DCC: variants seen among roughly 807,000 people sequenced by gnomAD.
DCC encodes the protein DCC netrin 1 receptor.
DCC carries 58 observed loss-of-function variants against 172.5 expected under a neutral mutation model. The ratio of observed to expected loss-of-function variants is 0.34; its 90% CI spans 0.27 to 0.42. DCC has a LOEUF of 0.42. Ranked by LOEUF, DCC falls within the 10% of genes least tolerant of loss-of-function variation. DCC has a pLI of 1.00. For synonymous variants in DCC, 709 were observed against 644.5 expected (o/e 1.10, Z -1.52); for missense variants, 1,740 against 1,791.0 (o/e 0.97, Z 0.51).
intron 1 of DCC, among the ~76,000 whole-genome samples, chr18:52,579,913 G>A (rs2033504218): frequency 6.6e-6 from 1 of 152,182 alleles, no homozygotes; most frequent in South Asian, 2.1e-4. Flanking sequence ...AATTGTACTG[G>A]ATCAAGAAAG....
At chr18:52,770,805 A>C (rs1477426141) in intron 2 of DCC, among the ~76,000 whole-genome samples, 1 of 151,578 alleles carries the variant, frequency 6.6e-6, no homozygotes, top group African/African-American at 2.4e-5. Flanking sequence ...TGGACTTAGA[A>C]AAGATAAAAG....
At chr18:53,161,233 C>G (rs540822166) in intron 8 of DCC, among the ~76,000 whole-genome samples, 2 of 152,198 alleles carry the variant, frequency 1.3e-5, no homozygotes, top group African/African-American at 2.4e-5. Context: ...CTGCTCTTAT[C>G]AAGGTTCACC....
At chr18:53,270,005 G>A (rs891140100) in intron 12 of DCC, among the ~76,000 whole-genome samples, 1 of 152,088 alleles carries the variant, frequency 6.6e-6, no homozygotes, top group African/African-American at 2.4e-5. Context: ...AATGCATGTG[G>A]TGCATTCATG....
chr18:53,317,672 A>G (rs1963460510), intron 13 of DCC, among the ~76,000 whole-genome samples: 1 of 152,140 alleles, frequency 6.6e-6, no homozygotes, highest in African/African-American at 2.4e-5. Flanking sequence ...TGTTCTACTC[A>G]GGGATTCGAC....
chr18:52,435,944 C>A (rs920390672), intron 1 of DCC, among the ~76,000 whole-genome samples: 1 of 152,184 alleles, frequency 6.6e-6, no homozygotes, highest in Non-Finnish European at 1.5e-5. Context: ...GCCTTCTAAA[C>A]GATCAGATGA....
At chr18:53,327,937 T>C (rs1237424326) in intron 14 of DCC, among the ~76,000 whole-genome samples, 2 of 152,212 alleles carry the variant, frequency 1.3e-5, no homozygotes, top group Non-Finnish European at 2.9e-5. Flanking sequence ...GCTTGGGGAA[T>C]TTGATGGACC....
intron 1 of DCC, among the ~76,000 whole-genome samples, chr18:52,552,892 T>C (rs1383331793): frequency 6.6e-6 from 1 of 151,936 alleles, no homozygotes; most frequent in African/African-American, 2.4e-5. Context: ...ACAAGAAAAA[T>C]AGCACATACA....
rs1347846718 is a variant in DCC at position 52,876,408 on chromosome 18, C to T, written c.413-29636C>T. 3.3e-5 allele frequency among the ~76,000 whole-genome samples: 5 copies of T among 152,158 alleles called. No individual in the cohort carries two copies. The East Asian group carries it at 7.7e-4, about 23-fold the overall frequency. On this transcript the variant is annotated intron_variant, in intron 2 of 28. Coordinates refer to ENST00000442544, the MANE Select transcript of DCC (RefSeq NM_005215.4). ...TTTTACCAAATTTGGCCTATAAAGG[C>T]ATACATTCTTCATATGCATAGGCAT...
At chr18:52,816,518 T>C (rs2038299560) in intron 2 of DCC, 1 of 151,026 alleles carries the variant, frequency 6.6e-6, no homozygotes, top group African/African-American at 2.5e-5. Context: ...GGTACTTTTG[T>C]TTTCCTGTTT....
At position 52,340,877 on chromosome 18, in the gene DCC, C is replaced by T; in HGVS notation, c.90C>T (p.Thr30=). ...TGTTCAGCGCGCATCTTCAAGTAAC[C>T]GGTAAGTGGCTCTTTCCTTTCTTCT... ...ASLFSAHLQV[T]GFQIKAFTAL... Residue 30 remains threonine (T), a splice_region_variant and synonymous_variant, in exon 1 of 29, where the codon ACC becomes ACT. Transcript: ENST00000442544. 3 of 1,610,668 alleles carry T rather than the reference C, an allele frequency of 1.9e-6. No homozygotes were observed. The highest frequency in any genetic ancestry group is 1.3e-5 in the African/African-American group (1 of 74,918).
intron 2 of DCC, among the ~76,000 whole-genome samples, chr18:52,764,141 G>T (rs1045750457): frequency 6.6e-6 from 1 of 152,140 alleles, no homozygotes; most frequent in Non-Finnish European, 1.5e-5. Flanking sequence ...TATTAGCCTG[G>T]ACCTAAACAT....
intron 2 of DCC, among the ~76,000 whole-genome samples, chr18:52,838,046 CA>C (rs1220877742): frequency 2.0e-5 from 3 of 152,122 alleles, no homozygotes; most frequent in Non-Finnish European, 4.4e-5. Flanking sequence ...GTGGGGAAAC[CA>C]CCCCCATGAT....
At chr18:52,877,771 A>G (rs1342658377) in intron 2 of DCC, among the ~76,000 whole-genome samples, 1 of 150,964 alleles carries the variant, frequency 6.6e-6, no homozygotes, top group Non-Finnish European at 1.5e-5. Flanking sequence ...GAGAGATGTA[A>G]TGGGAGTTTC....
chr18:53,240,627 T>C (rs1257322399), intron 12 of DCC, among the ~76,000 whole-genome samples: 1 of 152,188 alleles, frequency 6.6e-6, no homozygotes. Context: ...AATCTAGCCA[T>C]TGTTTCCCTT....
intron 1 of DCC, among the ~76,000 whole-genome samples, chr18:52,730,935 T>G (rs1379499955): frequency 6.6e-6 from 1 of 152,206 alleles, no homozygotes; most frequent in Non-Finnish European, 1.5e-5. Flanking sequence ...TATATCCTGT[T>G]GCAAACAAAC....
chr18:52,843,941 C>T (rs8098877), intron 2 of DCC, among the ~76,000 whole-genome samples: 2 of 151,998 alleles, frequency 1.3e-5, no homozygotes, highest in African/African-American at 4.8e-5. Flanking sequence ...CTTTAATCCT[C>T]CTTAGAAAAT....
rs111510817 is a variant in DCC at position 53,285,383 on chromosome 18, G to A, written c.1912-20195G>A. ...TCCAGCCGTGACTAAAAGAGGCCAA[G>A]GTACAGCTCTAGCTGTTGCTCCAGA... On this transcript the variant is annotated intron_variant, in intron 12 of 28. Coordinates refer to ENST00000442544, the MANE Select transcript of DCC (RefSeq NM_005215.4). Among the ~76,000 whole-genome samples the A allele has an allele frequency of 3.3e-5, 5 of 152,278 alleles. 1 individual carries two copies. The highest frequency in any genetic ancestry group is 1.2e-4 in the African/African-American group (5 of 41,552).
chr18:53,089,512 T>G (rs1402713016), intron 7 of DCC, among the ~76,000 whole-genome samples: 2 of 152,118 alleles, frequency 1.3e-5, no homozygotes, highest in East Asian at 1.9e-4. Context: ...AAGTTACTAA[T>G]TTTATAACTG....
intron 1 of DCC, among the ~76,000 whole-genome samples, chr18:52,706,978 G>A (rs1368145639): frequency 6.6e-6 from 1 of 152,160 alleles, no homozygotes; most frequent in Non-Finnish European, 1.5e-5. Flanking sequence ...GGAGAGAAAT[G>A]ATGCAGAGGG....
Sources: gnomAD v4.1 joint callset for allele counts (sites outside exome capture counted in the v4.1 genomes callset) on GRCh38, gnomAD v4.1.1 for gene constraint, MANE v1.5 for transcripts, NCBI Gene and HGNC (gene_info 2026-07-23, HGNC 2026-07-21) for gene names.